PLPPR4: variants seen among roughly 807,000 people sequenced by gnomAD.
PLPPR4 encodes the protein phospholipid phosphatase-related protein type 4.
In PLPPR4, 24 loss-of-function variants were observed where a neutral mutation model predicts 56.6. The observed-to-expected ratio is 0.42, with a 90% confidence interval of 0.31 to 0.60. The LOEUF is 0.60. PLPPR4 is among the 20% of genes least tolerant of loss of function. PLPPR4 has a pLI of 0.13. For missense variants in PLPPR4, 654 were observed against 885.8 expected (o/e 0.74, Z 3.32); for synonymous variants, 326 against 328.1 (o/e 0.99, Z 0.07).
chr1:99,276,790 G>A (rs1235056681), intron 1 of PLPPR4, among the ~76,000 whole-genome samples: 1 of 152,102 alleles, frequency 6.6e-6, no homozygotes, highest in Non-Finnish European at 1.5e-5. Context: ...TACATTATCA[G>A]CTAAAGAAAA....
rs369069520 is a variant in PLPPR4 at position 99,306,476 on chromosome 1, G to A, written c.1614G>A (p.Gln538=). ...IMQVIAMSKQ[Q]GVLQSSPKNT... Reference sequence around the variant, plus strand: ...AAGTCATAGCCATGTCCAAGCAGCAGGGTGTCCTCCAAAGCAGCCCCAAGA... The same window carrying A: ...AAGTCATAGCCATGTCCAAGCAGCAAGGTGTCCTCCAAAGCAGCCCCAAGA... The change falls in exon 7 of 7, where the codon CAG becomes CAA. Residue 538 remains glutamine (Q), a synonymous_variant. Transcript: ENST00000370185. The surrounding 1 kb of genome is among the most constrained non-coding windows in gnomAD (Gnocchi z 4.0). 1 of 1,614,076 alleles carries A rather than the reference G, an allele frequency of 6.2e-7. No homozygotes were observed. The highest frequency in any genetic ancestry group is 1.3e-5 in the African/African-American group (1 of 74,930).
At chr1:99,299,293 T>TGATACTCCAAGCAGCA in intron 4 of PLPPR4, 63 bp downstream of exon 4, 3 of 1,253,380 alleles carry the variant, frequency 2.4e-6, no homozygotes, top group African/African-American at 1.5e-5. Context: ...CTGCTTGGAG[T>TGATACTCCAAGCAGCA]ATCACTTTAA....
chr1:99,271,899 AGTGTGTGTGTGTGTGTGTGT>A (rs553822029), intron 1 of PLPPR4, among the ~76,000 whole-genome samples: 1 of 117,952 alleles, frequency 8.5e-6, no homozygotes, highest in Non-Finnish European at 1.8e-5. Context: ...GTAGGAGTGA[AGTGTGTGTGTGTGTGTGTGT>A]GTGTGTGTGT....
At chr1:99,269,673 C>T (rs545289336) in intron 1 of PLPPR4, among the ~76,000 whole-genome samples, 23 of 152,204 alleles carry the variant, frequency 1.5e-4, no homozygotes, top group Non-Finnish European at 2.9e-4. Context: ...CTTAAACATT[C>T]TGCTATATGA....
chr1:99,295,997 A>G (rs1659731712), intron 2 of PLPPR4, among the ~76,000 whole-genome samples: 1 of 152,204 alleles, frequency 6.6e-6, no homozygotes, highest in African/African-American at 2.4e-5. Flanking sequence ...AATCATGCCT[A>G]AATCATACTG....
intron 6 of PLPPR4, 71 bp from the exon 7 acceptor site, chr1:99,305,614 T>C: frequency 1.4e-6 from 2 of 1,471,556 alleles, no homozygotes; most frequent in Non-Finnish European, 1.8e-6. Context: ...TGTACTTCAG[T>C]GGGTACTCTA....
intron 1 of PLPPR4, among the ~76,000 whole-genome samples, chr1:99,274,077 A>G (rs1157368277): frequency 1.3e-5 from 2 of 152,112 alleles, no homozygotes; most frequent in Non-Finnish European, 2.9e-5. Flanking sequence ...TTTAATTTTC[A>G]TAGAAAGTTA....
chr1:99,279,546 A>G (rs540506938), intron 1 of PLPPR4, among the ~76,000 whole-genome samples: 1 of 152,146 alleles, frequency 6.6e-6, no homozygotes, highest in African/African-American at 2.4e-5. Context: ...AGTGCCTGCC[A>G]CCCCTTTCCT....
intron 6 of PLPPR4, 146 bp from the exon 7 acceptor site, chr1:99,305,539 A>T: frequency 1.3e-6 from 1 of 771,846 alleles, no homozygotes; most frequent in Non-Finnish European, 2.1e-6. Context: ...TCCCTGCAAA[A>T]ATATAGTTTT....
At chr1:99,276,706 A>G (rs186894691) in intron 1 of PLPPR4, among the ~76,000 whole-genome samples, 4 of 152,328 alleles carry the variant, frequency 2.6e-5, no homozygotes, top group African/African-American at 9.6e-5. Context: ...TTAGTAAGCA[A>G]TGATAAAAAC....
At position 99,277,469 on chromosome 1, in the gene PLPPR4, G is replaced by A. The variant is rs189870910; in HGVS notation, c.79-10496G>A. Among the ~76,000 whole-genome samples the A allele has an allele frequency of 4.4e-3, 667 of 152,250 alleles. 6 individuals carry two copies. In the Middle Eastern group the frequency reaches 0.065, roughly 15 times the overall value. Reference sequence around the variant, plus strand: ...TAATAGTCAGTCCTCTTCAATTAGGGTATGGACAAGACAAATGTTTTCCTT... The same window carrying A: ...TAATAGTCAGTCCTCTTCAATTAGGATATGGACAAGACAAATGTTTTCCTT... On this transcript the variant is annotated intron_variant, in intron 1 of 6. Transcript: ENST00000370185.
chr1:99,295,149 T>C (rs908498987), intron 2 of PLPPR4, among the ~76,000 whole-genome samples: 1 of 152,206 alleles, frequency 6.6e-6, no homozygotes, highest in Non-Finnish European at 1.5e-5. Flanking sequence ...GAATTACTTT[T>C]GATTATTTCT....
intron 2 of PLPPR4, among the ~76,000 whole-genome samples, chr1:99,289,279 G>A (rs188077672): frequency 1.5e-3 from 224 of 152,214 alleles, no homozygotes; most frequent in African/African-American, 4.6e-3. Flanking sequence ...GTACAGCAGA[G>A]TTTAAGAAGA....
rs142942536 is a variant in PLPPR4 at position 99,270,284 on chromosome 1, C to T, written c.78+5613C>T. 6.5e-3 allele frequency among the ~76,000 whole-genome samples: 986 copies of T among 152,238 alleles called. 6 individuals are homozygous for T. Among genetic ancestry groups the T allele is most frequent in the South Asian group, 0.016 (77 of 4,822 alleles). ...CAAGCAATCCTCCCGCCTCAGCCTCCCAAAGTGCTGGGATCACAGGCATGA... is the reference window on the plus strand; with the variant it reads ...CAAGCAATCCTCCCGCCTCAGCCTCTCAAAGTGCTGGGATCACAGGCATGA... On this transcript the variant is annotated intron_variant, in intron 1 of 6. Transcript: ENST00000370185.
intron 2 of PLPPR4, among the ~76,000 whole-genome samples, chr1:99,292,112 A>G (rs889891493): frequency 1.3e-5 from 2 of 152,178 alleles, no homozygotes; most frequent in Non-Finnish European, 2.9e-5. Flanking sequence ...TGTTATAAAA[A>G]CTGTATTGAT....
chr1:99,278,856 C>A (rs1007559034), intron 1 of PLPPR4, among the ~76,000 whole-genome samples: 4 of 152,110 alleles, frequency 2.6e-5, no homozygotes, highest in African/African-American at 9.7e-5. Context: ...TTTTCCCATT[C>A]AACCTAATAC....
chr1:99,281,379 C>T lies in PLPPR4; in HGVS notation c.79-6586C>T, dbSNP rs185416668. On this transcript the variant is annotated intron_variant, in intron 1 of 6. Coordinates refer to ENST00000370185, the MANE Select transcript of PLPPR4 (RefSeq NM_014839.5). The stretch of plus-strand genomic sequence containing the variant: ...TAAAAACCAGTTTAGATTTCTAGAC[C>T]TTAAGTAATGTTGCAGACTCATTCT... Among the ~76,000 whole-genome samples the T allele has an allele frequency of 2.6e-5, 4 of 152,178 alleles. 1 individual carries two copies. The highest frequency in any genetic ancestry group is 4.8e-5 in the African/African-American group (2 of 41,530).
In PLPPR4 at chr1:99,288,035, A is replaced by C; in HGVS notation, c.149A>C (p.His50Pro). The part of the protein sequence containing the change: ...LELTDVFKPV[H>P]SGFSCYDRSL... ...CTCACAGATGTCTTCAAACCTGTGC[A>C]CTCTGGATTTAGCTGCTATGACCGG... The change falls in exon 2 of 7, where the codon CAC becomes CCC. Residue 50 changes from histidine (H) to proline (P), a missense_variant. His to Pro is a moderately conservative substitution (Grantham distance 77). This residue lies in a region of PLPPR4 where 186 missense variants were observed against 331.4 expected (regional missense o/e 0.56). Transcript: ENST00000370185. 1 of 1,613,782 alleles carries C rather than the reference A, an allele frequency of 6.2e-7. No individual in the cohort carries two copies. The highest frequency in any genetic ancestry group is 8.5e-7 in the Non-Finnish European group (1 of 1,179,846).
Position 99,306,589 on chromosome 1 carries a change from A to T in PLPPR4, c.1727A>T (p.Glu576Val). The T allele has an allele frequency of 6.2e-7, 1 of 1,614,108 alleles. No individual in the cohort carries two copies. Among genetic ancestry groups the T allele is most frequent in the East Asian group, 2.2e-5 (1 of 44,848 alleles). ...DHEPSGIVRVEAHPENNRPII... is the reference protein window; with the variant it reads ...DHEPSGIVRVVAHPENNRPII... ...GAGCCCAGTGGGATAGTGAGGGTTG[A>T]GGCTCACCCAGAGAACAACAGGCCC... Residue 576 changes from glutamate (E) to valine (V), a missense_variant, in exon 7 of 7, where the codon GAG becomes GTG. Transcript: ENST00000370185. The surrounding 1 kb of genome is among the most constrained non-coding windows in gnomAD (Gnocchi z 4.0).
Sources: gnomAD v4.1 joint callset for allele counts (sites outside exome capture counted in the v4.1 genomes callset) on GRCh38, gnomAD v4.1.1 for gene constraint, gnomAD v4.1.1 regional missense constraint, Gnocchi (gnomAD v3.1) non-coding constraint, MANE v1.5 for transcripts, NCBI Gene and HGNC (gene_info 2026-07-23, HGNC 2026-07-21) for gene names.